Variants in SHROOM2 observed in about 807,000 individuals in gnomAD.
SHROOM2 encodes protein Shroom2.
SHROOM2 carries 33 observed loss-of-function variants against 75.9 expected under a neutral mutation model. The ratio of observed to expected loss-of-function variants is 0.43; its 90% CI spans 0.33 to 0.58. The LOEUF is 0.58. SHROOM2 is among the 20% of genes least tolerant of loss of function. SHROOM2 has a pLI of 0.04. For missense variants in SHROOM2, 1,434 were observed against 1,461.2 expected (o/e 0.98, Z 0.30); for synonymous variants, 655 against 663.6 (o/e 0.99, Z 0.20).
intron 7 of SHROOM2, among the ~76,000 whole-genome samples, chrX:9,938,912 C>T (rs1466862570): frequency 1.8e-5 from 2 of 112,556 alleles, no homozygotes; most frequent in African/African-American, 6.5e-5. Flanking sequence ...CATCTGTGCT[C>T]TCACCTCTGT....
chrX:9,871,127 G>A (rs1023787453), intron 1 of SHROOM2, among the ~76,000 whole-genome samples: 3 of 111,440 alleles, frequency 2.7e-5, no homozygotes, highest in African/African-American at 9.8e-5. Context: ...CCAGATGTCT[G>A]TAACTTGCCT....
At chrX:9,789,956 C>T (rs1328452754) in intron 1 of SHROOM2, among the ~76,000 whole-genome samples, 2 of 61,903 alleles carry the variant, frequency 3.2e-5, no homozygotes, top group Non-Finnish European at 6.6e-5. Context: ...CTGCTGTGGT[C>T]TGGGACGCTT....
chrX:9,856,817 C>T (rs1298657043), intron 1 of SHROOM2, among the ~76,000 whole-genome samples: 1 of 112,262 alleles, frequency 8.9e-6, no homozygotes, highest in East Asian at 2.8e-4. Flanking sequence ...TGGTACCAGA[C>T]ATTTCTGCCC....
chrX:9,831,899 C>A (rs756405216), intron 1 of SHROOM2, among the ~76,000 whole-genome samples: 1 of 110,536 alleles, frequency 9.0e-6, no homozygotes, highest in Non-Finnish European at 1.9e-5. Flanking sequence ...CTCCCAAAGG[C>A]CCCACCTCCT....
At chrX:9,806,235 G>T (rs2083750882) in intron 1 of SHROOM2, among the ~76,000 whole-genome samples, 1 of 110,912 alleles carries the variant, frequency 9.0e-6, no homozygotes, top group African/African-American at 3.3e-5. Flanking sequence ...AAACCTGCCC[G>T]TGGTTATGGC....
intron 1 of SHROOM2, among the ~76,000 whole-genome samples, chrX:9,867,169 A>G (rs542704307): frequency 1.8e-5 from 2 of 111,872 alleles, no homozygotes; most frequent in South Asian, 7.5e-4. Flanking sequence ...GTTCCTAGAG[A>G]AAACATTTCC....
At chrX:9,843,298 A>G (rs1260435625) in intron 1 of SHROOM2, among the ~76,000 whole-genome samples, 1 of 110,362 alleles carries the variant, frequency 9.1e-6, no homozygotes, top group Admixed American at 9.7e-5. Flanking sequence ...CAATATTGCT[A>G]CATTATTTGT....
chrX:9,825,889 A>T (rs1326243259), intron 1 of SHROOM2, among the ~76,000 whole-genome samples: 2 of 112,211 alleles, frequency 1.8e-5, no homozygotes, highest in African/African-American at 6.5e-5. Context: ...AATGCAAGCC[A>T]GTGGATCTGT....
chrX:9,856,361 A>G (rs1015062812), intron 1 of SHROOM2, among the ~76,000 whole-genome samples: 1 of 111,496 alleles, frequency 9.0e-6, no homozygotes, highest in East Asian at 2.8e-4. Flanking sequence ...AAAAACATAA[A>G]AACAGCCAGA....
intron 1 of SHROOM2, among the ~76,000 whole-genome samples, chrX:9,817,524 G>T (rs1306057972): frequency 3.6e-5 from 4 of 111,710 alleles, no homozygotes; most frequent in Non-Finnish European, 7.5e-5. Flanking sequence ...AACGTGCAGT[G>T]CACACGACTT....
intron 3 of SHROOM2, among the ~76,000 whole-genome samples, chrX:9,891,791 C>T (rs1413671721): frequency 9.1e-6 from 1 of 109,972 alleles, no homozygotes; most frequent in African/African-American, 3.3e-5. Context: ...TGTGCCTGTG[C>T]ATCTCTTTGC....
At chrX:9,792,017 A>G (rs1263955970) in intron 1 of SHROOM2, among the ~76,000 whole-genome samples, 14 of 53 alleles carry the variant, frequency 0.26, no homozygotes, top group African/African-American at 0.35. Context: ...AATAGAATAG[A>G]ATAGAATAGA....
At chrX:9,882,604 G>T (rs778202831) in intron 2 of SHROOM2, among the ~76,000 whole-genome samples, 34 of 111,665 alleles carry the variant, frequency 3.0e-4, no homozygotes, top group Middle Eastern at 9.3e-3. Context: ...GTTCTGTGCC[G>T]CTCGGTTCTG....
chrX:9,931,901 G>A lies in SHROOM2; in HGVS notation c.2892-274G>A, dbSNP rs188711150. Among the ~76,000 whole-genome samples the A allele has an allele frequency of 4.0e-3, 443 of 110,615 alleles. 1 individual carries two copies. Among genetic ancestry groups the A allele is most frequent in the Middle Eastern group, 9.3e-3 (2 of 215 alleles). ...CTGCAAAAACAAATGCAATTTGTGT[G>A]TGTATGTGTGTCTGTGTGTGATGTG... On this transcript the variant is annotated intron_variant, in intron 5 of 9. Transcript: ENST00000380913.
At chrX:9,838,083 CAG>C (rs1472542817) in intron 1 of SHROOM2, among the ~76,000 whole-genome samples, 1 of 77,440 alleles carries the variant, frequency 1.3e-5, no homozygotes, top group Non-Finnish European at 2.3e-5. Context: ...TTTTTTGAGA[CAG>C]AGTCTTGCTC....
At position 9,924,840 on chromosome X, in the gene SHROOM2, A is replaced by T. The variant is rs1485891659; in HGVS notation, c.2892-7335A>T. On this transcript the variant is annotated intron_variant, in intron 5 of 9. Transcript: ENST00000380913. Reference sequence around the variant, plus strand: ...CTGGCTAATTTTTAATTTTTTTTTTATTTTTATTTTTTGTAGAGACTGGGT... The same window carrying T: ...CTGGCTAATTTTTAATTTTTTTTTTTTTTTTATTTTTTGTAGAGACTGGGT... 4.6e-5 allele frequency among the ~76,000 whole-genome samples: 5 copies of T among 108,109 alleles called. No individual in the cohort carries two copies. The South Asian group carries it at 1.6e-3, about 35-fold the overall frequency. The allele number at this position is 108,109 out of a possible 115,157, so 93.9% of individuals were successfully genotyped here. A position where few individuals can be genotyped will look rare whatever the true frequency, so the allele number is the denominator to read the frequency against.
rs1036042562 is a variant in SHROOM2 at position 9,939,344 on chromosome X, A to G, written c.4289A>G (p.Asp1430Gly). Residue 1430 changes from aspartate to glycine, a missense_variant, in exon 8 of 10, where the codon GAC (aspartate) becomes GGC (glycine). By Grantham distance (94) the Asp-to-Gly change is moderately conservative. This residue lies in a region of SHROOM2 where 1,340 missense variants were observed against 1,338.3 expected (regional missense o/e 1.00). Coordinates refer to ENST00000380913, the MANE Select transcript of SHROOM2 (RefSeq NM_001649.4). ...GAAGAGGATTCGGGAAGCGACTTGG[A>G]CCACGACCTGTCGGTGAAGAAGGTA... The part of the protein sequence containing the change: ...EHEEDSGSDL[D>G]HDLSVKKQEL... 2 of 1,205,850 alleles carry G rather than the reference A, an allele frequency of 1.7e-6. No homozygotes were observed. Among genetic ancestry groups the G allele is most frequent in the South Asian group, 1.8e-5 (1 of 55,684 alleles).
chrX:9,809,040 C>CCCCTTT (rs1221392897), intron 1 of SHROOM2, among the ~76,000 whole-genome samples: 1 of 109,076 alleles, frequency 9.2e-6, no homozygotes, highest in East Asian at 2.9e-4. Flanking sequence ...AGTACTCCCT[C>CCCCTTT]CCCTTTCCCT....
intron 1 of SHROOM2, among the ~76,000 whole-genome samples, chrX:9,806,695 T>C (rs186941527): frequency 3.1e-4 from 31 of 99,527 alleles, no homozygotes; most frequent in African/African-American, 1.1e-3. Context: ...TGTCTCCTTG[T>C]GCCAGCACAA....
Sources: gnomAD v4.1 joint callset for allele counts (sites outside exome capture counted in the v4.1 genomes callset) on GRCh38, gnomAD v4.1.1 for gene constraint, gnomAD v4.1.1 regional missense constraint, MANE v1.5 for transcripts, NCBI Gene and HGNC (gene_info 2026-07-23, HGNC 2026-07-21) for gene names.